Variants in TJP1 observed in about 807,000 individuals in gnomAD.
The protein encoded by TJP1 is tight junction protein 1, also known as tight junction protein ZO-1.
In TJP1, 43 loss-of-function variants were observed where a neutral mutation model predicts 194.2. The ratio of observed to expected loss-of-function variants is 0.22; its 90% CI spans 0.17 to 0.29. The LOEUF is 0.29. Among genes scored for constraint, TJP1 ranks in the 10% least tolerant of loss-of-function variants. The probability of loss-of-function intolerance (pLI) is 1.00; values close to 1 mark genes in which losing one functional copy is unlikely to be tolerated. For missense variants in TJP1, 1,971 were observed against 2,185.7 expected (o/e 0.90, Z 1.96); for synonymous variants, 801 against 779.0 (o/e 1.03, Z -0.47).
At chr15:29,715,362 T>A (rs893403348) in intron 23 of TJP1, among the ~76,000 whole-genome samples, 3 of 152,214 alleles carry the variant, frequency 2.0e-5, no homozygotes, top group Non-Finnish European at 4.4e-5. Flanking sequence ...TCTCATAAAC[T>A]GCTTTCTTCT....
At chr15:29,770,341 G>A (rs1057326444) in intron 4 of TJP1, among the ~76,000 whole-genome samples, 2 of 151,934 alleles carry the variant, frequency 1.3e-5, no homozygotes, top group South Asian at 2.1e-4. Flanking sequence ...GCTGAAGCAC[G>A]AGAATCACCT....
chr15:29,700,536 G>C lies in TJP1; in HGVS notation c.*1059C>G, dbSNP rs1353288642. ...AGTTCAAGGCTCAAGAGGTACAGGA[G>C]AGAATACAAAGGTAGCCTTTAGAAA... On this transcript the variant is annotated 3_prime_UTR_variant, in exon 28 of 28. Transcript: ENST00000614355. 5.0e-6 allele frequency: 2 copies of C among 398,480 alleles called. No homozygotes were observed. The highest frequency in any genetic ancestry group is 8.9e-6 in the Non-Finnish European group (2 of 225,986). 24.7% of individuals were successfully genotyped at this position (398,480 alleles called of 1,614,324 possible). A position where few individuals can be genotyped will look rare whatever the true frequency, so the allele number is the denominator to read the frequency against.
intron 2 of TJP1, among the ~76,000 whole-genome samples, chr15:29,947,129 A>G (rs1431351937): frequency 6.6e-6 from 1 of 152,236 alleles, no homozygotes; most frequent in African/African-American, 2.4e-5. Context: ...ATCATGCAAC[A>G]TAAAATATTA....
chr15:29,917,738 G>A (rs1010680555), intron 2 of TJP1, among the ~76,000 whole-genome samples: 2 of 152,180 alleles, frequency 1.3e-5, no homozygotes, highest in Non-Finnish European at 2.9e-5. Context: ...CCCCTGACCT[G>A]CAGAGACAGT....
chr15:29,937,870 T>C (rs1031260409), intron 2 of TJP1, among the ~76,000 whole-genome samples: 2 of 152,214 alleles, frequency 1.3e-5, no homozygotes, highest in African/African-American at 4.8e-5. Flanking sequence ...GAAGTTCAAT[T>C]ATCAAATGCT....
chr15:29,742,483 C>T (rs538533084), intron 9 of TJP1, among the ~76,000 whole-genome samples, 159 bp downstream of exon 9: 1 of 152,172 alleles, frequency 6.6e-6, no homozygotes, highest in Non-Finnish European at 1.5e-5. Flanking sequence ...CTGATTTGTG[C>T]CAACCTGCTA....
chr15:29,968,438 G>C (rs956305605), intron 1 of TJP1: 4 of 981,752 alleles, frequency 4.1e-6, no homozygotes, highest in African/African-American at 1.8e-5. Flanking sequence ...GCACAGCGAG[G>C]GTCTCGGCGA....
chr15:29,814,817 A>G (rs920848752), intron 1 of TJP1, among the ~76,000 whole-genome samples: 5 of 152,196 alleles, frequency 3.3e-5, no homozygotes, highest in African/African-American at 7.2e-5. Flanking sequence ...TATTTTCAGT[A>G]TATCAACTGA....
chr15:29,937,790 T>C (rs2054932550), intron 2 of TJP1, among the ~76,000 whole-genome samples: 1 of 152,200 alleles, frequency 6.6e-6, no homozygotes, highest in Non-Finnish European at 1.5e-5. Context: ...GGGCTGTTCT[T>C]TTGCCCTGGT....
At chr15:29,849,141 A>G (rs785450) in intron 2 of TJP1, among the ~76,000 whole-genome samples, 56,096 of 151,854 alleles carry the variant, frequency 0.37, 10,929 homozygotes, top group African/African-American at 0.49. Context: ...GTTTTGTTGA[A>G]TAACTAGTAG....
intron 8 of TJP1, among the ~76,000 whole-genome samples, chr15:29,748,458 T>C (rs911044703): frequency 3.3e-5 from 5 of 150,812 alleles, no homozygotes; most frequent in African/African-American, 1.2e-4. Flanking sequence ...GAAGTCAAGA[T>C]AAAATCTGAA....
At chr15:29,741,504 CA>C (rs758212418) in intron 9 of TJP1, 68 bp from the exon 10 acceptor site, 10 of 1,026,494 alleles carry the variant, frequency 9.7e-6, no homozygotes, top group African/African-American at 1.6e-5. Flanking sequence ...AGCAACCAAG[CA>C]ATATATGATT....
At chr15:29,794,362 G>A (rs889118909) in intron 2 of TJP1, among the ~76,000 whole-genome samples, 3 of 152,100 alleles carry the variant, frequency 2.0e-5, no homozygotes, top group Non-Finnish European at 4.4e-5. Context: ...TGTATCTTCT[G>A]ATGACATTTT....
At chr15:29,813,285 C>T (rs2049659257) in intron 1 of TJP1, among the ~76,000 whole-genome samples, 1 of 152,070 alleles carries the variant, frequency 6.6e-6, no homozygotes, top group Admixed American at 6.6e-5. Flanking sequence ...ATAGGAACAC[C>T]AAAAGAAGCT....
At chr15:29,840,544 C>T (rs952571157) in intron 2 of TJP1, among the ~76,000 whole-genome samples, 1 of 152,190 alleles carries the variant, frequency 6.6e-6, no homozygotes, top group African/African-American at 2.4e-5. Flanking sequence ...AGACAGCACC[C>T]TGTTCCTCCA....
chr15:29,722,380 C>T (rs2042982704), intron 18 of TJP1, among the ~76,000 whole-genome samples: 1 of 152,198 alleles, frequency 6.6e-6, no homozygotes, highest in African/African-American at 2.4e-5. Context: ...CCAAAATGGG[C>T]CAAGTTACAG....
At position 29,726,820 on chromosome 15, in the gene TJP1, A is replaced by T. The variant is rs1272776045; in HGVS notation, c.2272T>A (p.Ser758Thr). 1 of 1,614,132 alleles carries T rather than the reference A, an allele frequency of 6.2e-7. No homozygotes were observed. Among genetic ancestry groups the T allele is most frequent in the Non-Finnish European group, 8.5e-7 (1 of 1,180,032 alleles). ...TGATTATTTTTACGAAGTTTATGAG[A>T]TCGCTCGTATAACTTCCTGGCACTT... ...RKSARKLYER[S>T]HKLRKNNHHL... The change falls in exon 17 of 28, where the codon TCT (serine) becomes ACT (threonine). Residue 758 changes from serine to threonine, a missense_variant. Transcript: ENST00000614355.
intron 8 of TJP1, among the ~76,000 whole-genome samples, chr15:29,750,675 T>G (rs1276091432): frequency 6.6e-6 from 1 of 152,152 alleles, no homozygotes; most frequent in South Asian, 2.1e-4. Flanking sequence ...AAAATAACCT[T>G]AATACAGGAA....
chr15:29,761,721 A>T lies in TJP1; in HGVS notation c.742T>A (p.Leu248Met). 1 of 1,598,630 alleles carries T rather than the reference A, an allele frequency of 6.3e-7. No individual in the cohort carries two copies. Among genetic ancestry groups the T allele is most frequent in the Non-Finnish European group, 8.6e-7 (1 of 1,167,768 alleles). ...AATTTGCCTTTAGACCTTTCTATCA[A>T]TGTCTTTGCATCTGTCAATGACATA... ...ENMSLTDAKT[L>M]IERSKGKLKM... is the part of the protein sequence containing the mutation. Residue 248 changes from leucine (L) to methionine (M), a missense_variant, in exon 7 of 28, where the codon TTG (leucine) becomes ATG (methionine). Physicochemically the swap from Leu to Met is conservative, Grantham distance 15. Around this residue, in one of 5 missense-constraint regions of TJP1, gnomAD observed 245 missense variants for 336.6 expected, o/e 0.73. Coordinates refer to ENST00000614355, the MANE Select transcript of TJP1 (RefSeq NM_001330239.4).
Sources: gnomAD v4.1 joint callset for allele counts (sites outside exome capture counted in the v4.1 genomes callset) on GRCh38, gnomAD v4.1.1 for gene constraint, gnomAD v4.1.1 regional missense constraint, MANE v1.5 for transcripts, NCBI Gene and HGNC (gene_info 2026-07-23, HGNC 2026-07-21) for gene names.